The following SYNE1 variants were observed in gnomAD, a reference collection of about 807,000 sequenced individuals.
SYNE1 encodes nesprin-1.
In SYNE1, 616 loss-of-function variants were observed where a neutral mutation model predicts 1,111.0. The ratio of observed to expected loss-of-function variants is 0.55; its 90% CI spans 0.52 to 0.59. The LOEUF (loss-of-function observed/expected upper bound fraction) is 0.59. SYNE1 is among the 20% of genes least tolerant of loss of function. The probability of loss-of-function intolerance (pLI) is 0.00; values close to 1 mark genes in which losing one functional copy is unlikely to be tolerated. For missense variants in SYNE1, 10,006 were observed against 10,417.0 expected (o/e 0.96, Z 1.72); for synonymous variants, 3,855 against 3,825.8 (o/e 1.01, Z -0.28).
Position 152,407,310 on chromosome 6 carries a change from G to T in SYNE1, c.6541-114C>A, listed in dbSNP as rs546099261. ...AAAAGTATATTCTGACGGACAAACA[G>T]TTCCACAAAAATTATTGTAATCTAA... On this transcript the variant is annotated intron_variant, in intron 44 of 145. Coordinates refer to ENST00000367255, the MANE Select transcript of SYNE1 (RefSeq NM_182961.4). The T allele has an allele frequency of 1.1e-3, 1,105 of 1,031,366 alleles. 3 individuals are homozygous for T. Among genetic ancestry groups the T allele is most frequent in the Admixed American group, 1.7e-3 (83 of 49,340 alleles). The allele number at this position is 1,031,366 out of a possible 1,614,324, so 63.9% of individuals were successfully genotyped here. A position where few individuals can be genotyped will look rare whatever the true frequency, so the allele number is the denominator to read the frequency against.
chr6:152,278,033 G>A (rs1393788039), intron 98 of SYNE1, 56 bp downstream of exon 98: 3 of 1,591,188 alleles, frequency 1.9e-6, no homozygotes, highest in Admixed American at 1.7e-5. Context: ...ACCTTAGAAG[G>A]AGCACGTGAA....
chr6:152,406,354 C>T (rs956214216), intron 45 of SYNE1, among the ~76,000 whole-genome samples: 2 of 151,970 alleles, frequency 1.3e-5, no homozygotes, highest in Non-Finnish European at 2.9e-5. Context: ...CTAAACATTA[C>T]TAAATTACAA....
chr6:152,579,945 T>A (rs1448494174), intron 3 of SYNE1, among the ~76,000 whole-genome samples: 10 of 152,226 alleles, frequency 6.6e-5, no homozygotes, highest in Admixed American at 6.5e-4. Flanking sequence ...TCCATGTCTT[T>A]GCGATTGTGA....
chr6:152,339,631 T>C (rs937209539), intron 74 of SYNE1, among the ~76,000 whole-genome samples: 2 of 152,248 alleles, frequency 1.3e-5, no homozygotes, highest in Admixed American at 6.5e-5. Flanking sequence ...AAGAAACTTC[T>C]ATAATCTTTC....
rs947558246 is a variant in SYNE1, at chr6:152,399,635, A to G, written c.7218T>C (p.Ser2406=). The G allele has an allele frequency of 3.1e-6, 5 of 1,614,098 alleles. No homozygotes were observed. The African/African-American group carries it at 6.7e-5, about 22-fold the overall frequency. ...CSKTQASLQE[S]LEKHFSESMQ... is the part of the protein sequence containing the mutation. ...ACTCACCACTGAAGTGTTTTTCCAG[A>G]GATTCCTGCAGGCTGGCCTGGGTTT... is the stretch of plus-strand genomic sequence containing the variant. Residue 2406 remains serine (S), a synonymous_variant, in exon 48 of 146, where the codon TCT becomes TCC. Coordinates refer to ENST00000367255, the MANE Select transcript of SYNE1 (RefSeq NM_182961.4).
intron 54 of SYNE1, 143 bp downstream of exon 54, chr6:152,386,929 T>C: frequency 3.0e-6 from 2 of 671,460 alleles, no homozygotes; most frequent in South Asian, 5.9e-5. Context: ...GTACAAATAG[T>C]TTTAGAGCAG....
At chr6:152,496,997 C>T (rs547193323) in intron 11 of SYNE1, among the ~76,000 whole-genome samples, 105 of 152,070 alleles carry the variant, frequency 6.9e-4, no homozygotes, top group Admixed American at 1.6e-3. Context: ...GAGAAAAAAC[C>T]CCTTTGACTG....
At position 152,219,012 on chromosome 6, in the gene SYNE1, A is replaced by C. The variant is rs750669148; in HGVS notation, c.22035T>G (p.Thr7345=). 5.1e-5 allele frequency: 83 copies of C among 1,613,866 alleles called. No individual in the cohort carries two copies. Among genetic ancestry groups the C allele is most frequent in the Non-Finnish European group, 6.7e-5 (79 of 1,179,982 alleles). Residue 7345 remains threonine, a synonymous_variant, in exon 120 of 146, where the codon ACT becomes ACG. Coordinates refer to ENST00000367255, the MANE Select transcript of SYNE1 (RefSeq NM_182961.4). ...AATAGGAGCTCTGTACCTGTAATGA[A>C]GTCTGCTGTTTGCAGAGAGCTTGCT... is the stretch of plus-strand genomic sequence containing the variant. ...ALEQALCKQQ[T]SLQAGVLDYE... is the part of the protein sequence containing the mutation.
rs778080338 is a variant in SYNE1 at position 152,143,705 on chromosome 6, C to A, written c.25037G>T (p.Arg8346Leu). The change falls in exon 138 of 146, where the codon CGT becomes CTT. Residue 8346 changes from arginine (R) to leucine (L), a missense_variant. Around this residue, in one of 7 missense-constraint regions of SYNE1, gnomAD observed 761 missense variants for 795.5 expected, o/e 0.96. Transcript: ENST00000367255. ...RQLGKALDDS[R>L]FQIQQTENII... is the part of the protein sequence containing the mutation. ...ATTTTCGGTTTGCTGTATCTGAAAA[C>A]GGCTATCATCCAGGGCTTTGCCCAG... The A allele has an allele frequency of 6.2e-7, 1 of 1,614,052 alleles. No homozygotes were observed. The highest frequency in any genetic ancestry group is 1.3e-5 in the African/African-American group (1 of 74,912).
chr6:152,567,060 A>G (rs1260816450), intron 3 of SYNE1, among the ~76,000 whole-genome samples: 2 of 148,964 alleles, frequency 1.3e-5, no homozygotes, highest in African/African-American at 5.0e-5. Context: ...TTTGTCCCCC[A>G]TCTCCCTAAA....
chr6:152,151,946 G>T lies in SYNE1; in HGVS notation c.24312+13C>A, dbSNP rs2060497677. 1.9e-6 allele frequency: 3 copies of T among 1,613,900 alleles called. No homozygotes were observed. The highest frequency in any genetic ancestry group is 4.5e-5 in the East Asian group (2 of 44,876). On this transcript the variant is annotated intron_variant, in intron 134 of 145. Coordinates refer to ENST00000367255, the MANE Select transcript of SYNE1 (RefSeq NM_182961.4). ...CTCTGGCCTCTAAATTACAGATGAG[G>T]CATAGCAAAAACCTTGAGTCTGCGC...
chr6:152,155,398 C>G (rs562554587), intron 132 of SYNE1: 6 of 315,118 alleles, frequency 1.9e-5, no homozygotes, highest in Non-Finnish European at 3.6e-5. Flanking sequence ...GAAATAAAGA[C>G]GAGGTCGGAA....
intron 142 of SYNE1, 110 bp downstream of exon 142, chr6:152,134,994 C>T (rs1466580422): frequency 4.6e-6 from 7 of 1,509,562 alleles, no homozygotes; most frequent in Non-Finnish European, 5.5e-6. Context: ...GACTATAATG[C>T]AAAAAGTTAA....
intron 3 of SYNE1, among the ~76,000 whole-genome samples, chr6:152,621,505 A>C (rs1372393007): frequency 1.3e-5 from 2 of 152,176 alleles, no homozygotes; most frequent in Non-Finnish European, 2.9e-5. Flanking sequence ...TATAAAATAT[A>C]CTGACACATA....
At chr6:152,373,281 T>G in intron 58 of SYNE1, 62 bp from the exon 59 acceptor site, 1 of 1,472,854 alleles carries the variant, frequency 6.8e-7, no homozygotes, top group Non-Finnish European at 9.1e-7. Context: ...CTATTTTTTC[T>G]TTTCTTTTTT....
In SYNE1 at chr6:152,460,595, T is replaced by C. The variant is rs116394281; in HGVS notation, c.2394+1002A>G. ...CATTCATTTATTATAATCACTTCTCTCTTTTACTAGAAATTAATTACCCAA... is the reference window on the plus strand; with the variant it reads ...CATTCATTTATTATAATCACTTCTCCCTTTTACTAGAAATTAATTACCCAA... On this transcript the variant is annotated intron_variant, in intron 21 of 145. Transcript: ENST00000367255. Among the ~76,000 whole-genome samples the C allele has an allele frequency of 9.3e-3, 1,412 of 152,114 alleles. 19 individuals carry two copies. Among genetic ancestry groups the C allele is most frequent in the African/African-American group, 0.033 (1,371 of 41,500 alleles).
intron 47 of SYNE1, 133 bp from the exon 48 acceptor site, chr6:152,399,956 C>A (rs566470220): frequency 5.8e-6 from 6 of 1,038,778 alleles, no homozygotes; most frequent in African/African-American, 1.6e-5. Context: ...CATTTTGGTG[C>A]GTTTTTGAGT....
At chr6:152,421,937 C>T (rs2098268469) in intron 39 of SYNE1, among the ~76,000 whole-genome samples, 1 of 152,106 alleles carries the variant, frequency 6.6e-6, no homozygotes, top group African/African-American at 2.4e-5. Flanking sequence ...AACTCCTGAC[C>T]TCAGGTGATC....
At chr6:152,263,831 C>G (rs1467325210) in intron 100 of SYNE1, among the ~76,000 whole-genome samples, 1 of 152,074 alleles carries the variant, frequency 6.6e-6, no homozygotes, top group Non-Finnish European at 1.5e-5. Flanking sequence ...TAGTATCTAC[C>G]TTGCATGATT....
Sources: gnomAD v4.1 joint callset for allele counts (sites outside exome capture counted in the v4.1 genomes callset) on GRCh38, gnomAD v4.1.1 for gene constraint, gnomAD v4.1.1 regional missense constraint, MANE v1.5 for transcripts, NCBI Gene and HGNC (gene_info 2026-07-23, HGNC 2026-07-21) for gene names.